Variants in MAP3K3 observed in about 807,000 individuals in gnomAD.
MAP3K3 encodes mitogen-activated protein kinase kinase kinase 3, also known as MAP/ERK kinase kinase 3.
Under a neutral mutation model 80.9 loss-of-function variants are expected in MAP3K3, and 12 were observed. The ratio of observed to expected loss-of-function variants is 0.15; its 90% CI spans 0.10 to 0.24. MAP3K3 has a LOEUF of 0.24. Among genes scored for constraint, MAP3K3 ranks in the 10% least tolerant of loss-of-function variants. The probability of loss-of-function intolerance (pLI) is 1.00; values close to 1 mark genes in which losing one functional copy is unlikely to be tolerated. For synonymous variants in MAP3K3, 272 were observed against 307.1 expected (o/e 0.89, Z 1.19); for missense variants, 596 against 834.7 (o/e 0.71, Z 3.52).
chr17:63,657,885 T>C lies in MAP3K3; in HGVS notation c.359T>C (p.Leu120Pro). ...AGCATGAAAAGCCTTAGGATATTGC[T>C]GTTGTCCCAGGACAGAAACCATGTA... ...SSSMKSLRIL[L>P]LSQDRNHNSS... Residue 120 changes from leucine to proline, a missense_variant, in exon 5 of 16, where the codon CTG (leucine) becomes CCG (proline). By Grantham distance (98) the Leu-to-Pro change is moderately conservative. Coordinates refer to ENST00000361733, the MANE Select transcript of MAP3K3 (RefSeq NM_002401.5). 6.2e-7 allele frequency: 1 copy of C among 1,602,276 alleles called. No individual in the cohort carries two copies.
intron 11 of MAP3K3, 27 bp from the exon 12 acceptor site, chr17:63,690,237 T>A: frequency 6.2e-7 from 1 of 1,606,418 alleles, no homozygotes; most frequent in Non-Finnish European, 8.5e-7. Context: ...GTACACAAAG[T>A]AACTCTTTCC....
At chr17:63,642,817 C>T (rs184025540) in intron 2 of MAP3K3, among the ~76,000 whole-genome samples, 272 of 152,022 alleles carry the variant, frequency 1.8e-3, no homozygotes, top group African/African-American at 6.0e-3. Context: ...AGTCCAGTGG[C>T]GTGATCATGG....
chr17:63,663,429 G>A (rs900785581), intron 5 of MAP3K3, among the ~76,000 whole-genome samples: 1 of 152,024 alleles, frequency 6.6e-6, no homozygotes, highest in Admixed American at 6.6e-5. Flanking sequence ...TTGAACCTGG[G>A]AGGCGGAGGT....
chr17:63,690,864 G>A (rs2035571614), intron 12 of MAP3K3: 1 of 553,056 alleles, frequency 1.8e-6, no homozygotes, highest in Non-Finnish European at 3.2e-6. Context: ...CCTTAACTAA[G>A]CACCCACGGC....
At position 63,630,637 on chromosome 17, in the gene MAP3K3, C is replaced by A. The variant is rs572759230; in HGVS notation, c.5-2044C>A. On this transcript the variant is annotated intron_variant, in intron 1 of 15. Transcript: ENST00000361733. Reference sequence around the variant, plus strand: ...CCACCCTGTCCAGCCAGGTTCCCTTCTTTAAAGAAGCTATAGGGAAATTGT... The same window carrying A: ...CCACCCTGTCCAGCCAGGTTCCCTTATTTAAAGAAGCTATAGGGAAATTGT... Among the ~76,000 whole-genome samples the A allele has an allele frequency of 3.9e-5, 6 of 152,206 alleles. 1 individual carries two copies. In the East Asian group the frequency reaches 7.7e-4, roughly 20 times the overall value.
chr17:63,664,878 AC>A (rs1477419615), intron 5 of MAP3K3, among the ~76,000 whole-genome samples: 3 of 152,086 alleles, frequency 2.0e-5, no homozygotes, highest in Admixed American at 6.5e-5. Context: ...CCTTGAAGCA[AC>A]CTCATTTTTA....
rs922530199 is a variant in MAP3K3, at chr17:63,624,763, T to G, written c.4+2000T>G. Reference sequence around the variant, plus strand: ...ACCACTGCCCTAGCTTTCTTCACTTTCCCCCATACAATTCTCTCCATCTTT... The same window carrying G: ...ACCACTGCCCTAGCTTTCTTCACTTGCCCCCATACAATTCTCTCCATCTTT... On this transcript the variant is annotated intron_variant, in intron 1 of 15. Transcript: ENST00000361733. 6.6e-5 allele frequency among the ~76,000 whole-genome samples: 10 copies of G among 152,132 alleles called. 1 individual carries two copies. The South Asian group carries it at 8.3e-4, about 13-fold the overall frequency.
At chr17:63,653,923 G>A (rs2034710691) in intron 4 of MAP3K3, among the ~76,000 whole-genome samples, 1 of 152,094 alleles carries the variant, frequency 6.6e-6, no homozygotes, top group South Asian at 2.1e-4. Context: ...CTGGAGTGCA[G>A]TGGTGCAAAC....
At chr17:63,651,738 T>A (rs2034661228) in intron 3 of MAP3K3, among the ~76,000 whole-genome samples, 1 of 152,132 alleles carries the variant, frequency 6.6e-6, no homozygotes, top group Non-Finnish European at 1.5e-5. Flanking sequence ...ACCTAATGAG[T>A]CTCTCCAGAA....
At chr17:63,652,977 TC>T (rs934750419) in intron 4 of MAP3K3, among the ~76,000 whole-genome samples, 1 of 152,000 alleles carries the variant, frequency 6.6e-6, no homozygotes, top group African/African-American at 2.4e-5. Flanking sequence ...CTTATTTTTT[TC>T]CCCCCAGCAC....
intron 2 of MAP3K3, among the ~76,000 whole-genome samples, chr17:63,643,510 T>G (rs2034485111): frequency 6.6e-6 from 1 of 151,952 alleles, no homozygotes; most frequent in African/African-American, 2.4e-5. Context: ...AGACCCTGTC[T>G]CAATAATAAC....
At chr17:63,660,368 T>C (rs1480282769) in intron 5 of MAP3K3, among the ~76,000 whole-genome samples, 1 of 150,686 alleles carries the variant, frequency 6.6e-6, no homozygotes, top group African/African-American at 2.5e-5. Context: ...CATGCTTGGC[T>C]TTTCTTTTTT....
At position 63,682,861 on chromosome 17, in the gene MAP3K3, C is replaced by T. The variant is rs542432112; in HGVS notation, c.636+962C>T. ...AGACTCACGTCACAGGTTCTACTTGCACTAAAGGGAAAGGCAGTTCATTGG... is the reference window on the plus strand; with the variant it reads ...AGACTCACGTCACAGGTTCTACTTGTACTAAAGGGAAAGGCAGTTCATTGG... On this transcript the variant is annotated intron_variant, in intron 7 of 15. Coordinates refer to ENST00000361733, the MANE Select transcript of MAP3K3 (RefSeq NM_002401.5). 3.9e-5 allele frequency: 6 copies of T among 152,378 alleles called. 1 individual carries two copies. The highest frequency in any genetic ancestry group is 1.4e-4 in the African/African-American group (6 of 41,582). 9.4% of individuals were successfully genotyped at this position (152,378 alleles called of 1,614,324 possible).
intron 2 of MAP3K3, 80 bp from the exon 3 acceptor site, chr17:63,645,954 C>A (rs1181184083): frequency 1.8e-6 from 2 of 1,133,344 alleles, no homozygotes; most frequent in East Asian, 2.4e-5. Flanking sequence ...TGCTAACGAA[C>A]TGCCCAAGGC....
chr17:63,685,280 T>C (rs2035424418), intron 7 of MAP3K3, among the ~76,000 whole-genome samples: 1 of 152,212 alleles, frequency 6.6e-6, no homozygotes, highest in African/African-American at 2.4e-5. Flanking sequence ...TGCTTTGCTC[T>C]CCTGCCAGAG....
intron 5 of MAP3K3, among the ~76,000 whole-genome samples, chr17:63,662,911 A>G (rs1225686709): frequency 6.6e-6 from 1 of 151,500 alleles, no homozygotes; most frequent in Non-Finnish European, 1.5e-5. Flanking sequence ...TAAACTTCAA[A>G]TGATCTGACC....
chr17:63,688,494 C>A, intron 8 of MAP3K3, 33 bp from the exon 9 acceptor site: 1 of 1,567,706 alleles, frequency 6.4e-7, no homozygotes, highest in Non-Finnish European at 8.8e-7. Flanking sequence ...TGGAAGTGTG[C>A]GGGAGTCTGT....
In MAP3K3 at chr17:63,664,076, A is replaced by T. The variant is rs557438634; in HGVS notation, c.382-2864A>T. ...GCTAACACGGTGAAACCCCATCTCTACTAAAAATACAAAAAAAAAAAATAG... is the reference window on the plus strand; with the variant it reads ...GCTAACACGGTGAAACCCCATCTCTTCTAAAAATACAAAAAAAAAAAATAG... On this transcript the variant is annotated intron_variant, in intron 5 of 15. Transcript: ENST00000361733. 5.2e-4 allele frequency among the ~76,000 whole-genome samples: 78 copies of T among 150,516 alleles called. No homozygotes were observed. In the South Asian group the frequency reaches 0.016, roughly 31 times the overall value.
chr17:63,684,368 A>G (rs1598115996), intron 7 of MAP3K3, among the ~76,000 whole-genome samples: 1 of 152,326 alleles, frequency 6.6e-6, no homozygotes, highest in South Asian at 2.1e-4. Context: ...CCAAATATGC[A>G]TCTGATGGAT....
Sources: allele counts gnomAD v4.1 joint callset (sites outside exome capture counted in the v4.1 genomes callset), GRCh38; gene constraint gnomAD v4.1.1; transcripts MANE v1.5; gene names NCBI Gene and HGNC (gene_info 2026-07-23, HGNC 2026-07-21).